CHIC2: variants seen among roughly 807,000 people sequenced by gnomAD.
CHIC2 encodes the protein cysteine rich hydrophobic domain 2.
A neutral mutation model predicts 25.9 loss-of-function variants in CHIC2; 14 were observed. The observed-to-expected ratio is 0.54, with a 90% CI of 0.36 to 0.85. CHIC2 has a LOEUF of 0.85. Among genes scored for constraint, CHIC2 ranks in the 40% least tolerant of loss-of-function variants. CHIC2 has a pLI of 0.01. For missense variants in CHIC2, 146 were observed against 202.0 expected, an observed-to-expected ratio of 0.72 and a Z score of 1.68; for synonymous variants, 70 against 72.0, an observed-to-expected ratio of 0.97 and a Z score of 0.14.
At chr4:54,012,244 G>C (rs1287121786) in intron 5 of CHIC2, among the ~76,000 whole-genome samples, 2 of 151,680 alleles carry the variant, frequency 1.3e-5, no homozygotes, top group African/African-American at 4.8e-5. Flanking sequence ...ACTACACCCA[G>C]CTTTTTCCTG....
intron 3 of CHIC2, chr4:54,048,740 C>G (rs530073303): frequency 1.0e-4 from 38 of 380,464 alleles, no homozygotes; most frequent in African/African-American, 7.7e-4. Context: ...CTACTCCTTG[C>G]TTCTAAAATT....
chr4:54,080,385 G>A, the CHIC2 span, among the ~76,000 whole-genome samples: 2 of 152,084 alleles, frequency 1.3e-5, no homozygotes, highest in African/African-American at 4.8e-5. Flanking sequence ...TCCAGGAGCT[G>A]AGGCAGGGGT....
intron 3 of CHIC2, among the ~76,000 whole-genome samples, chr4:54,020,683 C>T (rs1368974931): frequency 6.6e-6 from 1 of 152,128 alleles, no homozygotes; most frequent in African/African-American, 2.4e-5. Context: ...CTTCTCCAGC[C>T]TCTCTCGCTA....
intron 1 of CHIC2, among the ~76,000 whole-genome samples, chr4:54,053,966 T>C (rs1272633489): frequency 6.6e-6 from 1 of 152,136 alleles, no homozygotes; most frequent in African/African-American, 2.4e-5. Flanking sequence ...AATTTTTGTA[T>C]TTTTAGTAGA....
At chr4:54,050,780 G>A (rs1027571794) in intron 1 of CHIC2, among the ~76,000 whole-genome samples, 3 of 152,044 alleles carry the variant, frequency 2.0e-5, no homozygotes, top group Non-Finnish European at 4.4e-5. Flanking sequence ...ACCATTTTAA[G>A]TTTGTATACA....
At chr4:54,012,497 C>T (rs1321326313) in intron 5 of CHIC2, among the ~76,000 whole-genome samples, 2 of 152,068 alleles carry the variant, frequency 1.3e-5, no homozygotes, top group Non-Finnish European at 2.9e-5. Context: ...GTTTTCCTTT[C>T]CAAAGTAAAT....
intron 1 of CHIC2, among the ~76,000 whole-genome samples, chr4:54,050,560 C>T (rs1439400914): frequency 6.6e-6 from 1 of 152,104 alleles, no homozygotes; most frequent in African/African-American, 2.4e-5. Flanking sequence ...TCATGTGCCA[C>T]ATAACAACGT....
At chr4:54,031,611 CTTTTTTTTTTT>C (rs1037563282) in intron 3 of CHIC2, among the ~76,000 whole-genome samples, 1 of 103,410 alleles carries the variant, frequency 9.7e-6, no homozygotes, top group Non-Finnish European at 1.8e-5. Flanking sequence ...GATGTACTTG[CTTTTTTTTTTT>C]TTTTTTTTTT....
At chr4:54,087,022 G>A in the CHIC2 span, 4 of 1,108,190 alleles carry the variant, frequency 3.6e-6, no homozygotes, top group African/African-American at 1.5e-5. Flanking sequence ...GCAGAGATGA[G>A]AGGGGCCTCC....
chr4:54,023,740 C>T (rs1182018594), intron 3 of CHIC2, among the ~76,000 whole-genome samples: 2 of 152,218 alleles, frequency 1.3e-5, no homozygotes, highest in African/African-American at 4.8e-5. Context: ...TACCTCTCAG[C>T]AAGGCGAACT....
intron 3 of CHIC2, among the ~76,000 whole-genome samples, chr4:54,040,967 G>A (rs1716557790): frequency 6.7e-6 from 1 of 150,208 alleles, no homozygotes; most frequent in Non-Finnish European, 1.5e-5. Context: ...ACTAAGTTGG[G>A]GATAGATTTT....
Position 54,064,527 on chromosome 4 carries a change from C to A in CHIC2, c.-227G>T. On this transcript the variant is annotated 5_prime_UTR_variant, in exon 1 of 6. Transcript: ENST00000263921. This position sits in a 1 kb window ranked among gnomAD's most constrained non-coding sequence, Gnocchi z 4.2. ...ATCAGCAATAACAACAACACAATGT[C>A]AACATCCGCCCAGAGGCCGACACCT... is the stretch of plus-strand genomic sequence containing the variant. The A allele has an allele frequency of 7.2e-7, 1 of 1,388,030 alleles. No individual in the cohort carries two copies. Among genetic ancestry groups the A allele is most frequent in the South Asian group, 1.6e-5 (1 of 63,052 alleles). The allele number at this position is 1,388,030 out of a possible 1,614,324, so 86.0% of individuals were successfully genotyped here.
At chr4:54,038,256 A>G (rs920947626) in intron 3 of CHIC2, among the ~76,000 whole-genome samples, 1 of 152,248 alleles carries the variant, frequency 6.6e-6, no homozygotes, top group African/African-American at 2.4e-5. Context: ...CTGGAATTTA[A>G]TAAGTGAATT....
the CHIC2 span, among the ~76,000 whole-genome samples, chr4:54,079,670 A>G: frequency 6.6e-6 from 1 of 152,214 alleles, no homozygotes; most frequent in Non-Finnish European, 1.5e-5. Context: ...AAAGGTCCTC[A>G]GCATTACTAA....
At chr4:54,090,209 T>C in the CHIC2 span, among the ~76,000 whole-genome samples, 1 of 151,990 alleles carries the variant, frequency 6.6e-6, no homozygotes, top group Non-Finnish European at 1.5e-5. Flanking sequence ...ATTTTTTAGA[T>C]GAAGTTTTGC....
At chr4:54,075,282 A>G in the CHIC2 span, among the ~76,000 whole-genome samples, 2 of 152,244 alleles carry the variant, frequency 1.3e-5, no homozygotes, top group African/African-American at 2.4e-5. Flanking sequence ...AAAGATATCA[A>G]TGTGTCCTTT....
the CHIC2 span, among the ~76,000 whole-genome samples, chr4:54,078,035 TTGA>T: frequency 6.6e-6 from 1 of 152,216 alleles, no homozygotes; most frequent in African/African-American, 2.4e-5. Context: ...CAAAATTTTT[TTGA>T]TGATAATCTC....
chr4:54,070,204 TA>T, the CHIC2 span, among the ~76,000 whole-genome samples: 1 of 151,890 alleles, frequency 6.6e-6, no homozygotes, highest in Non-Finnish European at 1.5e-5. Context: ...TCAAATGAGG[TA>T]AAAAACAAAG....
intron 3 of CHIC2, among the ~76,000 whole-genome samples, chr4:54,031,122 C>T (rs1488342455): frequency 2.0e-5 from 3 of 150,524 alleles, no homozygotes; most frequent in African/African-American, 7.4e-5. Flanking sequence ...ATTTTTGGAA[C>T]TGGAAAATAT....
Sources: allele counts gnomAD v4.1 joint callset (sites outside exome capture counted in the v4.1 genomes callset), GRCh38; gene constraint gnomAD v4.1.1; non-coding constraint Gnocchi (gnomAD v3.1); transcripts MANE v1.5; gene names NCBI Gene and HGNC (gene_info 2026-07-23, HGNC 2026-07-21).